PLD5: variants seen among roughly 807,000 people sequenced by gnomAD.
PLD5 encodes inactive phospholipase D5.
A neutral mutation model predicts 61.1 loss-of-function variants in PLD5; 36 were observed. The observed-to-expected ratio is 0.59, with a 90% confidence interval of 0.45 to 0.78. The LOEUF (loss-of-function observed/expected upper bound fraction) is 0.78, where lower values mean the gene tolerates loss of function less well. Ranked by LOEUF, PLD5 falls within the 30% of genes least tolerant of loss-of-function variation. PLD5 has a pLI of 0.00. For missense variants in PLD5, 515 were observed against 644.4 expected, an observed-to-expected ratio of 0.80 and a Z score of 2.17; for synonymous variants, 243 against 242.8, an observed-to-expected ratio of 1.00 and a Z score of -0.01.
chr1:242,084,750 G>GTTTTTTTTTTT lies in PLD5; in HGVS notation c.*5093_*5103dup, dbSNP rs1162808490. The GTTTTTTTTTTT allele has an allele frequency of 1.4e-5, 1 of 73,604 alleles. No homozygotes were observed. The highest frequency in any genetic ancestry group is 5.9e-5 in the African/African-American group (1 of 16,850). The allele number at this position is 73,604 out of a possible 1,614,324, so 4.6% of individuals were successfully genotyped here. A position where few individuals can be genotyped will look rare whatever the true frequency, so the allele number is the denominator to read the frequency against. On this transcript the variant is annotated 3_prime_UTR_variant, in exon 10 of 10. Coordinates refer to ENST00000536534, the MANE Select transcript of PLD5 (RefSeq NM_001372062.1). Reference sequence around the variant, plus strand: ...CTCAGAATGAACATTTATTGGAAAGGTTTTTTTTTTTTTTTTTTTTTTTTT... The same window carrying GTTTTTTTTTTT: ...CTCAGAATGAACATTTATTGGAAAGGTTTTTTTTTTTTTTTTTTTTTTTTTTTTTTTTTTTT...
chr1:242,526,328 G>A (rs1669445514), upstream of PLD5, among the ~76,000 whole-genome samples: 1 of 152,202 alleles, frequency 6.6e-6, no homozygotes, highest in South Asian at 2.1e-4. Context: ...GGAGGCAACA[G>A]TGAGCCGATA....
intron 8 of PLD5, among the ~76,000 whole-genome samples, chr1:242,104,102 T>C (rs1660871089): frequency 6.6e-6 from 1 of 152,086 alleles, no homozygotes; most frequent in African/African-American, 2.4e-5. Context: ...CTCATATCTT[T>C]GAGCAGATGC....
chr1:242,209,836 C>G (rs1400194822), intron 5 of PLD5, among the ~76,000 whole-genome samples: 1 of 152,106 alleles, frequency 6.6e-6, no homozygotes, highest in Non-Finnish European at 1.5e-5. Context: ...ACTCTGTCGC[C>G]CAGGCTGGAC....
rs926113295 is a variant in PLD5, at chr1:242,242,018, C to G, written c.608-21903G>C. On this transcript the variant is annotated intron_variant, in intron 4 of 9. Transcript: ENST00000536534. The stretch of plus-strand genomic sequence containing the variant: ...ATATATATATATATATATAGACACA[C>G]ACACACACACACACACACACACACA... Among the ~76,000 whole-genome samples, 137 of 143,706 alleles carry G rather than the reference C, an allele frequency of 9.5e-4. 1 individual carries two copies. Among genetic ancestry groups the G allele is most frequent in the African/African-American group, 2.7e-3 (106 of 38,612 alleles). 94.3% of individuals were successfully genotyped at this position (143,706 alleles called of 152,430 possible).
chr1:242,203,549 C>T (rs1027539117), intron 5 of PLD5: 1 of 152,250 alleles, frequency 6.6e-6, no homozygotes, highest in Non-Finnish European at 1.5e-5. Flanking sequence ...AGCACTATCC[C>T]CTCGGTGAAG....
chr1:242,102,201 T>G (rs561906882), intron 8 of PLD5, among the ~76,000 whole-genome samples: 41 of 152,358 alleles, frequency 2.7e-4, no homozygotes, highest in African/African-American at 9.6e-4. Context: ...TGTGACTGTT[T>G]CCTTTTGGGA....
At chr1:242,204,243 CAA>C (rs36058585) in intron 5 of PLD5, among the ~76,000 whole-genome samples, 82 of 128,378 alleles carry the variant, frequency 6.4e-4, no homozygotes, top group African/African-American at 2.0e-3. Context: ...ACTCTTGTCT[CAA>C]AAAAAAAAAA....
At chr1:242,302,638 G>A (rs954893784) in intron 2 of PLD5, among the ~76,000 whole-genome samples, 4 of 152,208 alleles carry the variant, frequency 2.6e-5, no homozygotes, top group African/African-American at 9.6e-5. Context: ...AGGATTGCTT[G>A]AACCCAGGAA....
chr1:242,221,366 G>A (rs1251578241), intron 4 of PLD5, among the ~76,000 whole-genome samples: 2 of 152,136 alleles, frequency 1.3e-5, no homozygotes, highest in Admixed American at 6.5e-5. Context: ...TAACGAAGAC[G>A]ATGTATTCCA....
chr1:242,295,333 T>C (rs1395294492), intron 2 of PLD5, among the ~76,000 whole-genome samples: 1 of 152,194 alleles, frequency 6.6e-6, no homozygotes, highest in African/African-American at 2.4e-5. Flanking sequence ...TTTCCATCCG[T>C]ATGTCCTTGC....
At chr1:242,331,935 G>C (rs1417267895) in intron 2 of PLD5, among the ~76,000 whole-genome samples, 3 of 152,036 alleles carry the variant, frequency 2.0e-5, no homozygotes. Flanking sequence ...TGTGCAGAAC[G>C]TGCAGGTTTG....
chr1:242,241,692 A>C (rs1672016516), intron 4 of PLD5, among the ~76,000 whole-genome samples: 1 of 151,764 alleles, frequency 6.6e-6, no homozygotes, highest in South Asian at 2.1e-4. Flanking sequence ...AAATGTGCGC[A>C]GGTTGGTGAG....
At chr1:242,422,420 G>T (rs116129342) in intron 1 of PLD5, among the ~76,000 whole-genome samples, 2,773 of 152,278 alleles carry the variant, frequency 0.018, 42 homozygotes, top group Non-Finnish European at 0.03. Flanking sequence ...TTTAGAAAAA[G>T]TGGATAATGC....
chr1:242,129,296 T>C (rs899755161), intron 5 of PLD5, among the ~76,000 whole-genome samples: 5 of 151,978 alleles, frequency 3.3e-5, no homozygotes, highest in African/African-American at 1.2e-4. Flanking sequence ...GGACCTGGAG[T>C]CAAGGCAAGA....
intron 5 of PLD5, among the ~76,000 whole-genome samples, chr1:242,145,070 A>G (rs983363906): frequency 3.9e-5 from 6 of 152,208 alleles, no homozygotes; most frequent in Admixed American, 3.9e-4. Flanking sequence ...CAGCTAACAC[A>G]TGGTGCAACT....
chr1:242,344,124 G>A (rs949203095), intron 2 of PLD5, among the ~76,000 whole-genome samples: 3 of 152,160 alleles, frequency 2.0e-5, no homozygotes, highest in Admixed American at 6.5e-5. Context: ...GGCCCCAAAT[G>A]GCCGGGACTT....
chr1:242,171,738 T>C (rs2196415), intron 5 of PLD5, among the ~76,000 whole-genome samples: 76,879 of 147,654 alleles, frequency 0.52, 20,506 homozygotes, highest in East Asian at 0.73. Context: ...AGAGCAGGAG[T>C]TGCAATCCTA....
At chr1:242,204,782 C>G (rs1051937537) in intron 5 of PLD5, among the ~76,000 whole-genome samples, 5 of 152,026 alleles carry the variant, frequency 3.3e-5, no homozygotes, top group Non-Finnish European at 5.9e-5. Flanking sequence ...ATAACTTGCC[C>G]TGGGTCATAT....
intron 5 of PLD5, among the ~76,000 whole-genome samples, chr1:242,158,472 G>A (rs1344830899): frequency 6.6e-6 from 1 of 152,280 alleles, no homozygotes; most frequent in East Asian, 1.9e-4. Flanking sequence ...CTGGTCTGCG[G>A]GTTGCGAAGA....
Sources: gnomAD v4.1 joint callset for allele counts (sites outside exome capture counted in the v4.1 genomes callset) on GRCh38, gnomAD v4.1.1 for gene constraint, MANE v1.5 for transcripts, NCBI Gene and HGNC (gene_info 2026-07-23, HGNC 2026-07-21) for gene names.